Variants in ELK3 observed in about 807,000 individuals in gnomAD.
The protein encoded by ELK3 is ETS domain-containing protein Elk-3.
ELK3 carries 10 observed loss-of-function variants against 28.9 expected under a neutral mutation model. The observed-to-expected ratio is 0.35, with a 90% CI of 0.21 to 0.59. The LOEUF is 0.59. Ranked by LOEUF, ELK3 falls within the 20% of genes least tolerant of loss-of-function variation. The pLI is 0.82. For synonymous variants in ELK3, 272 were observed against 243.5 expected (o/e 1.12, Z -1.09); for missense variants, 463 against 517.3 (o/e 0.90, Z 1.02).
At chr12:96,203,856 G>A (rs531557640) in intron 1 of ELK3, among the ~76,000 whole-genome samples, 4 of 152,282 alleles carry the variant, frequency 2.6e-5, no homozygotes, top group East Asian at 3.9e-4. Context: ...CAGGAGAATC[G>A]CTTGAACCCG....
intron 4 of ELK3, among the ~76,000 whole-genome samples, chr12:96,264,979 C>T (rs1263012629): frequency 6.6e-6 from 1 of 152,090 alleles, no homozygotes; most frequent in African/African-American, 2.4e-5. Flanking sequence ...GTGGTGGAGC[C>T]CTGACTCAAG....
intron 1 of ELK3, among the ~76,000 whole-genome samples, chr12:96,216,129 G>A (rs1042569358): frequency 1.6e-4 from 24 of 152,166 alleles, no homozygotes; most frequent in African/African-American, 5.3e-4. Context: ...GGCCCCATCT[G>A]CAGCGGCTAT....
chr12:96,247,860 G>A lies in ELK3; in HGVS notation c.1002+126G>A, dbSNP rs147022807. On this transcript the variant is annotated intron_variant, in intron 3 of 4. Transcript: ENST00000228741. The surrounding 1 kb of genome is among the most constrained non-coding windows in gnomAD (Gnocchi z 5.5). ...TCCTATGACTCGTACCGAGGTCACTGTGTAAATGTGAAGGGAAGCTGCTTT... is the reference window on the plus strand; with the variant it reads ...TCCTATGACTCGTACCGAGGTCACTATGTAAATGTGAAGGGAAGCTGCTTT... 91 of 1,207,274 alleles carry A rather than the reference G, an allele frequency of 7.5e-5. 1 individual carries two copies. In the East Asian group the frequency reaches 2.1e-3, roughly 27 times the overall value. 74.8% of individuals were successfully genotyped at this position (1,207,274 alleles called of 1,614,324 possible).
intron 3 of ELK3, among the ~76,000 whole-genome samples, chr12:96,254,265 C>T (rs936965097): frequency 6.6e-6 from 1 of 152,146 alleles, no homozygotes; most frequent in South Asian, 2.1e-4. Context: ...GCAGAGGTTA[C>T]AGTGAGCCAA....
Position 96,243,759 on chromosome 12 carries a change from C to A in ELK3, c.208-3181C>A, listed in dbSNP as rs543600816. Among the ~76,000 whole-genome samples the A allele has an allele frequency of 1.9e-3, 294 of 151,782 alleles. 2 individuals are homozygous for A. The highest frequency in any genetic ancestry group is 2.9e-3 in the Non-Finnish European group (200 of 67,926). Reference sequence around the variant, plus strand: ...CTCAGAGGCTGAGGCAGGAGAATGGCGTGAATCAGGGAGGCGGAGCTTGCA... The same window carrying A: ...CTCAGAGGCTGAGGCAGGAGAATGGAGTGAATCAGGGAGGCGGAGCTTGCA... On this transcript the variant is annotated intron_variant, in intron 2 of 4. Transcript: ENST00000228741.
intron 2 of ELK3, among the ~76,000 whole-genome samples, chr12:96,231,673 A>G (rs1402799849): frequency 6.6e-6 from 1 of 152,100 alleles, no homozygotes; most frequent in African/African-American, 2.4e-5. Context: ...TTGTATTTTT[A>G]GTAGAGATGG....
At chr12:96,222,625 C>T (rs1034742814) in intron 1 of ELK3, among the ~76,000 whole-genome samples, 8 of 152,140 alleles carry the variant, frequency 5.3e-5, no homozygotes, top group African/African-American at 1.2e-4. Context: ...GTCCTTTCCT[C>T]GTGAAGCTCA....
At chr12:96,260,523 T>G (rs975630660) in intron 4 of ELK3, among the ~76,000 whole-genome samples, 2 of 152,198 alleles carry the variant, frequency 1.3e-5, no homozygotes, top group African/African-American at 4.8e-5. Flanking sequence ...TAATGAAGAC[T>G]TAGCTGCTTT....
At chr12:96,232,911 T>C (rs1592681020) in intron 2 of ELK3, among the ~76,000 whole-genome samples, 1 of 152,130 alleles carries the variant, frequency 6.6e-6, no homozygotes, top group Non-Finnish European at 1.5e-5. Context: ...GAGGCTGCAG[T>C]GAGCTCTTAC....
At chr12:96,238,348 T>A (rs1951798022) in intron 2 of ELK3, among the ~76,000 whole-genome samples, 2 of 152,182 alleles carry the variant, frequency 1.3e-5, no homozygotes, top group Non-Finnish European at 2.9e-5. Flanking sequence ...CCCGTGTAGA[T>A]GTTCAGTAAC....
intron 1 of ELK3, among the ~76,000 whole-genome samples, chr12:96,220,835 G>A (rs1951656819): frequency 1.3e-5 from 2 of 152,146 alleles, no homozygotes; most frequent in Admixed American, 1.3e-4. Flanking sequence ...GTTGCCCCAA[G>A]ATCACTGGCT....
chr12:96,221,926 C>A (rs1231588175), intron 1 of ELK3, among the ~76,000 whole-genome samples: 1 of 152,050 alleles, frequency 6.6e-6, no homozygotes, highest in Non-Finnish European at 1.5e-5. Context: ...GTACAAATAA[C>A]CCTCCCCAAG....
At chr12:96,197,280 TG>T (rs1326356180) in intron 1 of ELK3, among the ~76,000 whole-genome samples, 1 of 152,220 alleles carries the variant, frequency 6.6e-6, no homozygotes, top group Non-Finnish European at 1.5e-5. Context: ...GAGATGTTTT[TG>T]GTTGTTATAA....
chr12:96,214,423 T>A (rs1951596376), intron 1 of ELK3, among the ~76,000 whole-genome samples: 1 of 150,970 alleles, frequency 6.6e-6, no homozygotes, highest in African/African-American at 2.4e-5. Context: ...AGAGCAAGAC[T>A]CTGTCTCAAA....
At chr12:96,219,305 A>AAG (rs397727829) in intron 1 of ELK3, among the ~76,000 whole-genome samples, 1 of 151,644 alleles carries the variant, frequency 6.6e-6, no homozygotes, top group Non-Finnish European at 1.5e-5. Context: ...AGAAAAAAAA[A>AAG]TCGTTTAAAT....
At chr12:96,240,394 C>A (rs1057139561) in intron 2 of ELK3, among the ~76,000 whole-genome samples, 1 of 152,120 alleles carries the variant, frequency 6.6e-6, no homozygotes, top group Admixed American at 6.5e-5. Flanking sequence ...GCTTGTCATG[C>A]GTGGATGCAT....
intron 1 of ELK3, among the ~76,000 whole-genome samples, chr12:96,218,906 G>A (rs891546269): frequency 1.3e-5 from 2 of 151,966 alleles, no homozygotes; most frequent in South Asian, 2.1e-4. Context: ...CCTCGGCCTC[G>A]CAAAGTGCTG....
rs1217799919 is a variant in ELK3, at chr12:96,224,591, C to T, written c.207+818C>T. ...AGTGCCTTGATAAGTGATAATATAG[C>T]GTAGTTGCCAAAACCAGGACAGTTG... On this transcript the variant is annotated intron_variant, in intron 2 of 4. Coordinates refer to ENST00000228741, the MANE Select transcript of ELK3 (RefSeq NM_005230.4). 2.6e-5 allele frequency among the ~76,000 whole-genome samples: 4 copies of T among 152,142 alleles called. No homozygotes were observed. The East Asian group carries it at 7.7e-4, about 29-fold the overall frequency.
At chr12:96,239,626 A>G (rs931760620) in intron 2 of ELK3, among the ~76,000 whole-genome samples, 2 of 152,244 alleles carry the variant, frequency 1.3e-5, no homozygotes, top group Admixed American at 1.3e-4. Context: ...CTACCACGAT[A>G]AAATGAGTGT....
Sources: allele counts gnomAD v4.1 joint callset (sites outside exome capture counted in the v4.1 genomes callset), GRCh38; gene constraint gnomAD v4.1.1; non-coding constraint Gnocchi (gnomAD v3.1); transcripts MANE v1.5; gene names NCBI Gene and HGNC (gene_info 2026-07-23, HGNC 2026-07-21).